THADA: variants seen among roughly 807,000 people sequenced by gnomAD.
THADA encodes the protein tRNA (32-2'-O)-methyltransferase regulator THADA.
Under a neutral mutation model 219.8 loss-of-function variants are expected in THADA, and 213 were observed. The ratio of observed to expected loss-of-function variants is 0.97; its 90% CI spans 0.87 to 1.09. The LOEUF is 1.09. Ranked by LOEUF, THADA falls within the 50% of genes least tolerant of loss-of-function variation. The probability of loss-of-function intolerance (pLI) is 0.00; values close to 1 mark genes in which losing one functional copy is unlikely to be tolerated. For synonymous variants in THADA, 1,018 were observed against 828.9 expected, an observed-to-expected ratio of 1.23 and a Z score of -3.92; for missense variants, 2,956 against 2,311.3, an observed-to-expected ratio of 1.28 and a Z score of -5.72.
intron 26 of THADA, among the ~76,000 whole-genome samples, chr2:43,445,574 G>A (rs1161916389): frequency 2.0e-5 from 3 of 152,210 alleles, no homozygotes; most frequent in Non-Finnish European, 2.9e-5. Context: ...ATCCTCCTCG[G>A]GGCCTCTGTT....
At chr2:43,453,886 C>A (rs1487527465) in intron 26 of THADA, among the ~76,000 whole-genome samples, 2 of 152,186 alleles carry the variant, frequency 1.3e-5, no homozygotes, top group Non-Finnish European at 2.9e-5. Flanking sequence ...AACAACATAG[C>A]ATGCACTTTC....
chr2:43,283,733 T>A (rs1445247312), intron 35 of THADA, among the ~76,000 whole-genome samples: 1 of 152,236 alleles, frequency 6.6e-6, no homozygotes, highest in African/African-American at 2.4e-5. Flanking sequence ...TCTAAAAGTA[T>A]ACACTCATAT....
chr2:43,509,620 T>G lies in THADA; in HGVS notation c.3375-840A>C, dbSNP rs1310278555. 2.0e-5 allele frequency among the ~76,000 whole-genome samples: 3 copies of G among 152,190 alleles called. No homozygotes were observed. In the East Asian group the frequency reaches 5.8e-4, roughly 29 times the overall value. On this transcript the variant is annotated intron_variant, in intron 22 of 37. Transcript: ENST00000405975. ...ACTGATTTCCAATTTACAGTGAGAA[T>G]TAGATCTCTTAGGAACATTGGGATT...
At chr2:43,458,344 C>T (rs1683254484) in intron 26 of THADA, among the ~76,000 whole-genome samples, 1 of 152,088 alleles carries the variant, frequency 6.6e-6, no homozygotes, top group Non-Finnish European at 1.5e-5. Context: ...TGCCATATAC[C>T]AAGAGTCCAA....
At position 43,586,412 on chromosome 2, in the gene THADA, C is replaced by A. The variant is rs756781470; in HGVS notation, c.522G>T (p.Leu174=). The change falls in exon 7 of 38, where the codon CTG becomes CTT. Residue 174 remains leucine (L), a synonymous_variant. Transcript: ENST00000405975. ...HFLQKSLIEI[L]EENRKCAGNH... ...CATATAGCACTTGCCTATTTTCTTCCAGGATTTCAATTAAACTCTTCTGCA... is the reference window on the plus strand; with the variant it reads ...CATATAGCACTTGCCTATTTTCTTCAAGGATTTCAATTAAACTCTTCTGCA... The A allele has an allele frequency of 2.5e-4, 394 of 1,584,360 alleles. No homozygotes were observed. The highest frequency in any genetic ancestry group is 3.3e-4 in the Non-Finnish European group (380 of 1,165,940).
At chr2:43,295,338 T>G (rs752500295) in intron 31 of THADA, among the ~76,000 whole-genome samples, 13 of 152,254 alleles carry the variant, frequency 8.5e-5, no homozygotes, top group Non-Finnish European at 4.4e-5. Flanking sequence ...GGCTCCCTGC[T>G]GGCCCTTGCC....
At chr2:43,462,860 A>G (rs1017537280) in intron 26 of THADA, among the ~76,000 whole-genome samples, 5 of 152,204 alleles carry the variant, frequency 3.3e-5, no homozygotes, top group Admixed American at 1.3e-4. Flanking sequence ...ATATAAAGGT[A>G]AACACTCTCA....
chr2:43,316,002 A>C (rs917718124), intron 31 of THADA, among the ~76,000 whole-genome samples: 6 of 152,176 alleles, frequency 3.9e-5, no homozygotes, highest in Non-Finnish European at 8.8e-5. Flanking sequence ...CAGCCTCACC[A>C]GTCACACCTG....
chr2:43,575,014 T>C lies in THADA; in HGVS notation c.1051A>G (p.Thr351Ala), dbSNP rs111983293. The change falls in exon 11 of 38, where the codon ACG (threonine) becomes GCG (alanine). Residue 351 changes from threonine to alanine, a missense_variant. Transcript: ENST00000405975. ...FTLSSQIKEP[T>A]LEMFLSRILA... ...ATTCTAGACAGAAACATTTCCAGCGTTGGCTCTTTAATCCTGAAGAAAAAT... is the reference window on the plus strand; with the variant it reads ...ATTCTAGACAGAAACATTTCCAGCGCTGGCTCTTTAATCCTGAAGAAAAAT... 2.3e-3 allele frequency: 3,755 copies of C among 1,609,674 alleles called. 65 individuals carry two copies. In the African/African-American group the frequency reaches 0.038, roughly 16 times the overall value.
intron 36 of THADA, among the ~76,000 whole-genome samples, chr2:43,273,434 T>C (rs1672358278): frequency 6.6e-6 from 1 of 152,112 alleles, no homozygotes; most frequent in South Asian, 2.1e-4. Context: ...ACTTGGTACA[T>C]CTACAATATT....
intron 9 of THADA, 65 bp from the exon 10 acceptor site, chr2:43,577,307 T>C (rs1699964065): frequency 7.6e-7 from 1 of 1,307,624 alleles, no homozygotes; most frequent in African/African-American, 1.5e-5. Context: ...TATTTCAAAA[T>C]ACAAACCCAA....
chr2:43,304,990 C>T (rs759923857), intron 31 of THADA, among the ~76,000 whole-genome samples: 1 of 152,116 alleles, frequency 6.6e-6, no homozygotes, highest in Non-Finnish European at 1.5e-5. Flanking sequence ...ACTTTCAATG[C>T]ATAGGGAGAC....
At position 43,581,983 on chromosome 2, in the gene THADA, A is replaced by G; in HGVS notation, c.534-55T>C. 10 of 1,308,472 alleles carry G rather than the reference A, an allele frequency of 7.6e-6. No homozygotes were observed. The South Asian group carries it at 1.4e-4, about 19-fold the overall frequency. 81.1% of individuals were successfully genotyped at this position (1,308,472 alleles called of 1,614,324 possible). On this transcript the variant is annotated intron_variant, in intron 7 of 37. Coordinates refer to ENST00000405975, the MANE Select transcript of THADA (RefSeq NM_022065.5). ...AGGAAATTCAAACAAAAGTGTGAACATTTCTAATTATCAGCAAAATAAATA... is the reference window on the plus strand; with the variant it reads ...AGGAAATTCAAACAAAAGTGTGAACGTTTCTAATTATCAGCAAAATAAATA...
chr2:43,296,707 C>A (rs1302853549), intron 31 of THADA, among the ~76,000 whole-genome samples: 1 of 152,220 alleles, frequency 6.6e-6, no homozygotes, highest in African/African-American at 2.4e-5. Context: ...ACAGTACTAT[C>A]ATCTCCAGGT....
At chr2:43,528,448 T>A (rs191632397) in intron 21 of THADA, among the ~76,000 whole-genome samples, 1 of 152,210 alleles carries the variant, frequency 6.6e-6, no homozygotes, top group African/African-American at 2.4e-5. Flanking sequence ...TATTTTTTTT[T>A]AACAATAGCT....
intron 20 of THADA, among the ~76,000 whole-genome samples, chr2:43,542,611 A>C (rs922485358): frequency 6.6e-6 from 1 of 152,230 alleles, no homozygotes; most frequent in Admixed American, 6.5e-5. Flanking sequence ...GACACAACAA[A>C]GCAGCTCCCA....
chr2:43,297,152 G>T (rs528523652), intron 31 of THADA, among the ~76,000 whole-genome samples: 5 of 92,620 alleles, frequency 5.4e-5, no homozygotes, highest in African/African-American at 2.6e-4. Context: ...CTGCCCGGCC[G>T]CCCATCGTCT....
chr2:43,595,558 G>A (rs964602091), intron 1 of THADA: 1 of 152,370 alleles, frequency 6.6e-6, no homozygotes, highest in Non-Finnish European at 1.5e-5. Context: ...GTGTCCTGAA[G>A]AACCAGGGTC....
intron 28 of THADA, among the ~76,000 whole-genome samples, chr2:43,417,302 C>T (rs1030072579): frequency 1.3e-5 from 2 of 151,998 alleles, no homozygotes; most frequent in Non-Finnish European, 2.9e-5. Flanking sequence ...TAGCAGCCCA[C>T]AAATAATCTC....
Sources: gnomAD v4.1 joint callset for allele counts (sites outside exome capture counted in the v4.1 genomes callset) on GRCh38, gnomAD v4.1.1 for gene constraint, MANE v1.5 for transcripts, NCBI Gene and HGNC (gene_info 2026-07-23, HGNC 2026-07-21) for gene names.